The following ZNF804A variants were observed in gnomAD, a reference collection of about 807,000 sequenced individuals.
ZNF804A encodes the protein zinc finger protein 804A.
Under a neutral mutation model 16.5 loss-of-function variants are expected in ZNF804A, and 2 were observed. The ratio of observed to expected loss-of-function variants is 0.12; its 90% CI spans 0.05 to 0.38. ZNF804A has a LOEUF of 0.38. Ranked by LOEUF, ZNF804A falls within the 10% of genes least tolerant of loss-of-function variation. ZNF804A has a pLI of 0.99. For synonymous variants in ZNF804A, 534 were observed against 489.6 expected (o/e 1.09, Z -1.20); for missense variants, 1,473 against 1,390.7 (o/e 1.06, Z -0.94).
intron 2 of ZNF804A, among the ~76,000 whole-genome samples, chr2:184,877,037 C>T (rs1053102969): frequency 6.6e-6 from 1 of 151,806 alleles, no homozygotes; most frequent in Non-Finnish European, 1.5e-5. Flanking sequence ...ATAAGAAAGC[C>T]AATTAGAGTC....
chr2:184,812,868 C>T (rs1694922821), intron 1 of ZNF804A, among the ~76,000 whole-genome samples: 1 of 151,968 alleles, frequency 6.6e-6, no homozygotes, highest in African/African-American at 2.4e-5. Flanking sequence ...TTAATGTTAA[C>T]ATTGGTGAGA....
At chr2:184,637,103 A>G (rs532262789) in intron 1 of ZNF804A, among the ~76,000 whole-genome samples, 1 of 151,894 alleles carries the variant, frequency 6.6e-6, no homozygotes, top group Non-Finnish European at 1.5e-5. Flanking sequence ...TTATTCAAAT[A>G]TGTCTTATTT....
intron 1 of ZNF804A, among the ~76,000 whole-genome samples, chr2:184,758,579 A>G (rs1313759930): frequency 1.3e-5 from 2 of 152,118 alleles, no homozygotes; most frequent in East Asian, 3.9e-4. Flanking sequence ...AAAGTTACAA[A>G]GTTATAAGTA....
chr2:184,740,387 G>A lies in ZNF804A; in HGVS notation c.112-125982G>A, dbSNP rs79837892. ...AGCATTAGAGTGTTGGCCTCTTTAC[G>A]GTGCTTACATAATATGCTTAGTGAA... On this transcript the variant is annotated intron_variant, in intron 1 of 3. Coordinates refer to ENST00000302277, the MANE Select transcript of ZNF804A (RefSeq NM_194250.2). Among the ~76,000 whole-genome samples the A allele has an allele frequency of 4.0e-3, 605 of 152,212 alleles. 11 individuals carry two copies. The highest frequency in any genetic ancestry group is 0.013 in the African/African-American group (546 of 41,516).
At chr2:184,801,534 T>C (rs990557595) in intron 1 of ZNF804A, among the ~76,000 whole-genome samples, 1 of 152,202 alleles carries the variant, frequency 6.6e-6, no homozygotes, top group Non-Finnish European at 1.5e-5. Flanking sequence ...TATTAACATA[T>C]CTTCAAGCAC....
At position 184,833,584 on chromosome 2, in the gene ZNF804A, G is replaced by A. The variant is rs150322357; in HGVS notation, c.112-32785G>A. On this transcript the variant is annotated intron_variant, in intron 1 of 3. Transcript: ENST00000302277. ...AACATGCAGCTCAAAATATTGATGC[G>A]TTGTTGGTTTTAGGTAATATATTTC... Among the ~76,000 whole-genome samples the A allele has an allele frequency of 5.7e-3, 862 of 152,154 alleles. 5 individuals carry two copies. Among genetic ancestry groups the A allele is most frequent in the Middle Eastern group, 0.017 (5 of 294 alleles).
intron 1 of ZNF804A, among the ~76,000 whole-genome samples, chr2:184,808,288 C>T (rs1053454939): frequency 1.3e-5 from 2 of 151,398 alleles, no homozygotes; most frequent in South Asian, 2.1e-4. Context: ...TTTTTACAAT[C>T]ATATATGTTT....
chr2:184,726,502 G>GA (rs890447193), intron 1 of ZNF804A, among the ~76,000 whole-genome samples: 25 of 149,876 alleles, frequency 1.7e-4, no homozygotes, highest in East Asian at 9.7e-4. Context: ...AATTCAGAGA[G>GA]AAAAAAAAAT....
intron 1 of ZNF804A, among the ~76,000 whole-genome samples, chr2:184,631,994 A>T (rs796228619): frequency 3.3e-5 from 5 of 152,326 alleles, no homozygotes; most frequent in African/African-American, 1.2e-4. Context: ...CTACAAAGTA[A>T]AGTAAAATAT....
intron 2 of ZNF804A, among the ~76,000 whole-genome samples, chr2:184,918,525 T>C (rs775515318): frequency 4.6e-5 from 7 of 152,180 alleles, no homozygotes; most frequent in Non-Finnish European, 8.8e-5. Context: ...TCAGAACATA[T>C]ACAGCTTTCT....
At chr2:184,896,426 T>C (rs935020006) in intron 2 of ZNF804A, among the ~76,000 whole-genome samples, 9 of 152,160 alleles carry the variant, frequency 5.9e-5, no homozygotes, top group Non-Finnish European at 1.0e-4. Flanking sequence ...CATCAATCAA[T>C]AGGTTCCTGC....
chr2:184,733,743 G>A (rs1201746051), intron 1 of ZNF804A, among the ~76,000 whole-genome samples: 1 of 152,056 alleles, frequency 6.6e-6, no homozygotes, highest in Non-Finnish European at 1.5e-5. Flanking sequence ...GTGAATTTTG[G>A]CAAGTTGTGG....
intron 1 of ZNF804A, among the ~76,000 whole-genome samples, chr2:184,754,774 A>T (rs945029206): frequency 1.3e-5 from 2 of 151,706 alleles, no homozygotes; most frequent in East Asian, 1.9e-4. Context: ...CTTTTTTTTA[A>T]AAAAAATTGT....
chr2:184,904,470 G>A (rs945870147), intron 2 of ZNF804A, among the ~76,000 whole-genome samples: 1 of 151,984 alleles, frequency 6.6e-6, no homozygotes, highest in Non-Finnish European at 1.5e-5. Flanking sequence ...TTGTGGCATG[G>A]CATTAGACCT....
chr2:184,802,960 G>T (rs977060024), intron 1 of ZNF804A, among the ~76,000 whole-genome samples: 4 of 152,036 alleles, frequency 2.6e-5, no homozygotes, highest in East Asian at 3.9e-4. Flanking sequence ...ACTTCTTAAG[G>T]TTCAACCTTC....
At chr2:184,677,305 A>T (rs1342980372) in intron 1 of ZNF804A, among the ~76,000 whole-genome samples, 1 of 151,950 alleles carries the variant, frequency 6.6e-6, no homozygotes, top group African/African-American at 2.4e-5. Context: ...CATCCAGGCC[A>T]TATAGTAATA....
At chr2:184,698,357 T>C (rs1360964209) in intron 1 of ZNF804A, among the ~76,000 whole-genome samples, 2 of 152,104 alleles carry the variant, frequency 1.3e-5, no homozygotes, top group East Asian at 1.9e-4. Context: ...ACTTCTCTTA[T>C]ACAGCTAAAA....
At chr2:184,789,280 T>C (rs560315825) in intron 1 of ZNF804A, among the ~76,000 whole-genome samples, 2 of 152,246 alleles carry the variant, frequency 1.3e-5, no homozygotes, top group South Asian at 4.1e-4. Flanking sequence ...TCAGTGATAT[T>C]GGTTTGTAGT....
intron 2 of ZNF804A, among the ~76,000 whole-genome samples, chr2:184,868,423 G>A (rs1340608754): frequency 6.6e-6 from 1 of 151,956 alleles, no homozygotes; most frequent in East Asian, 1.9e-4. Context: ...TGTTCACTTT[G>A]AATGAAGTAG....
Sources: allele counts gnomAD v4.1 joint callset (sites outside exome capture counted in the v4.1 genomes callset), GRCh38; gene constraint gnomAD v4.1.1; transcripts MANE v1.5; gene names NCBI Gene and HGNC (gene_info 2026-07-23, HGNC 2026-07-21).